The following KLHL1 variants were observed in gnomAD, a reference collection of about 807,000 sequenced individuals.
The protein encoded by KLHL1 is kelch like family member 1.
Under a neutral mutation model 77.7 loss-of-function variants are expected in KLHL1, and 47 were observed. That is an observed-to-expected ratio of 0.60 (90% CI 0.48 to 0.77). The LOEUF is 0.77. Among genes scored for constraint, KLHL1 ranks in the 30% least tolerant of loss-of-function variants. KLHL1 has a pLI of 0.00. For missense variants in KLHL1, 925 were observed against 910.8 expected, an observed-to-expected ratio of 1.02 and a Z score of -0.20; for synonymous variants, 360 against 325.2, an observed-to-expected ratio of 1.11 and a Z score of -1.15.
chr13:69,890,238 C>T (rs1566368656), intron 4 of KLHL1, among the ~76,000 whole-genome samples: 1 of 151,652 alleles, frequency 6.6e-6, no homozygotes, highest in African/African-American at 2.4e-5. Flanking sequence ...TAACAATTTC[C>T]AAAAAAAGAA....
At chr13:69,709,533 C>A (rs995775438) in intron 9 of KLHL1, among the ~76,000 whole-genome samples, 1 of 151,896 alleles carries the variant, frequency 6.6e-6, no homozygotes, top group Admixed American at 6.6e-5. Flanking sequence ...TTCAAACAGA[C>A]CAACTGTTAA....
At chr13:69,908,216 G>A (rs904982521) in intron 4 of KLHL1, among the ~76,000 whole-genome samples, 2 of 151,556 alleles carry the variant, frequency 1.3e-5, no homozygotes, top group African/African-American at 2.4e-5. Context: ...GAGAAGAGAC[G>A]CCAGAACCAT....
intron 4 of KLHL1, among the ~76,000 whole-genome samples, chr13:69,936,931 C>T (rs1016969377): frequency 1.3e-5 from 2 of 152,158 alleles, no homozygotes; most frequent in Non-Finnish European, 2.9e-5. Context: ...TTTTACTTTT[C>T]CATTTACCTA....
intron 9 of KLHL1, among the ~76,000 whole-genome samples, chr13:69,718,528 G>C (rs1374340184): frequency 6.6e-5 from 10 of 151,746 alleles, no homozygotes; most frequent in Admixed American, 5.3e-4. Context: ...TGTTAGAGTA[G>C]AGTTACTTAT....
At position 69,796,950 on chromosome 13, in the gene KLHL1, A is replaced by G; in HGVS notation, c.1427T>C (p.Ile476Thr). ...ATTTGTTCTCAGATCATATTTCTCT[A>G]TAGTTGTAGCTCCTGATAAAACATA... ...GMDNNKGATT[I>T]EKYDLRTNLW... The change falls in exon 7 of 11, where the codon ATA becomes ACA. Residue 476 changes from isoleucine to threonine, a missense_variant. Ile to Thr is a moderately conservative substitution (Grantham distance 89). Transcript: ENST00000377844. 6.2e-7 allele frequency: 1 copy of G among 1,613,898 alleles called. No individual in the cohort carries two copies. Among genetic ancestry groups the G allele is most frequent in the Non-Finnish European group, 8.5e-7 (1 of 1,179,778 alleles).
chr13:69,740,119 G>T (rs1873923974), intron 8 of KLHL1, among the ~76,000 whole-genome samples: 1 of 152,130 alleles, frequency 6.6e-6, no homozygotes, highest in South Asian at 2.1e-4. Flanking sequence ...ACTTTTAGTA[G>T]TTTTTTGAAG....
intron 1 of KLHL1, among the ~76,000 whole-genome samples, chr13:69,978,739 G>T (rs900613969): frequency 6.6e-6 from 1 of 152,042 alleles, no homozygotes; most frequent in Non-Finnish European, 1.5e-5. Context: ...TGCCCGCCTT[G>T]GCCCCCCAAA....
intron 4 of KLHL1, among the ~76,000 whole-genome samples, chr13:69,934,549 A>T (rs910399026): frequency 1.3e-5 from 2 of 151,920 alleles, no homozygotes; most frequent in Non-Finnish European, 2.9e-5. Context: ...TGTCAGTCTG[A>T]TAACTCATCT....
At chr13:69,771,785 C>T (rs1235439335) in intron 7 of KLHL1, among the ~76,000 whole-genome samples, 18 of 151,860 alleles carry the variant, frequency 1.2e-4, no homozygotes, top group South Asian at 2.1e-4. Flanking sequence ...TATTTAATGA[C>T]GATAATGGTG....
chr13:70,094,877 T>G (rs1234651135), intron 1 of KLHL1, among the ~76,000 whole-genome samples: 4 of 152,106 alleles, frequency 2.6e-5, no homozygotes, highest in Middle Eastern at 3.2e-3. Flanking sequence ...GTCTTTCAAC[T>G]TGCCTAAAAC....
At chr13:69,962,010 A>T (rs1018407705) in intron 2 of KLHL1, among the ~76,000 whole-genome samples, 2 of 152,040 alleles carry the variant, frequency 1.3e-5, no homozygotes, top group Non-Finnish European at 2.9e-5. Flanking sequence ...TTTAAAAATA[A>T]TTCCTAAAGC....
intron 1 of KLHL1, among the ~76,000 whole-genome samples, chr13:70,036,387 T>G (rs908443517): frequency 1.3e-5 from 2 of 151,998 alleles, no homozygotes; most frequent in African/African-American, 4.8e-5. Context: ...AACTTTTAAA[T>G]TACCTTTTGT....
chr13:69,725,809 G>C (rs1026001314), intron 8 of KLHL1, among the ~76,000 whole-genome samples: 11 of 152,118 alleles, frequency 7.2e-5, no homozygotes, highest in African/African-American at 2.7e-4. Flanking sequence ...GCAGATATAA[G>C]AGTAATCTGA....
chr13:70,087,430 T>G (rs1337047412), intron 1 of KLHL1, among the ~76,000 whole-genome samples: 1 of 152,042 alleles, frequency 6.6e-6, no homozygotes, highest in Non-Finnish European at 1.5e-5. Flanking sequence ...CATAGTCATG[T>G]GTTACAACTA....
intron 1 of KLHL1, among the ~76,000 whole-genome samples, chr13:70,082,319 A>T (rs915565286): frequency 9.0e-4 from 66 of 73,390 alleles, no homozygotes; most frequent in African/African-American, 1.9e-3. Flanking sequence ...TGTCACACAC[A>T]CACACACACA....
intron 5 of KLHL1, among the ~76,000 whole-genome samples, chr13:69,856,966 T>C (rs991579602): frequency 1.3e-5 from 2 of 152,056 alleles, no homozygotes; most frequent in Admixed American, 1.3e-4. Context: ...TTGTCTACCG[T>C]TCCAACCTTC....
At chr13:69,969,294 C>A (rs1884312061) in intron 2 of KLHL1, among the ~76,000 whole-genome samples, 1 of 151,902 alleles carries the variant, frequency 6.6e-6, no homozygotes, top group African/African-American at 2.4e-5. Flanking sequence ...ATTTAAAGTT[C>A]TCACTTTCCT....
intron 7 of KLHL1, among the ~76,000 whole-genome samples, chr13:69,766,531 G>C (rs1310088705): frequency 6.6e-6 from 1 of 151,126 alleles, no homozygotes; most frequent in African/African-American, 2.4e-5. Context: ...AACTAAATGA[G>C]CAAAAAATAA....
At chr13:69,884,936 T>TTTCTG in intron 4 of KLHL1, among the ~76,000 whole-genome samples, 1 of 6,878 alleles carries the variant, frequency 1.5e-4, no homozygotes, top group African/African-American at 1.9e-4. Flanking sequence ...TTTCTTTTCT[T>TTTCTG]TTTTTTTTTT....
Sources: gnomAD v4.1 joint callset for allele counts (sites outside exome capture counted in the v4.1 genomes callset) on GRCh38, gnomAD v4.1.1 for gene constraint, MANE v1.5 for transcripts, NCBI Gene and HGNC (gene_info 2026-07-23, HGNC 2026-07-21) for gene names.